Variants in ASS1 observed in about 807,000 individuals in gnomAD.
ASS1 encodes the protein argininosuccinate synthase.
ASS1 carries 58 observed loss-of-function variants against 60.5 expected under a neutral mutation model. That is an observed-to-expected ratio of 0.96 (90% CI 0.78 to 1.19). The LOEUF (loss-of-function observed/expected upper bound fraction) is 1.19. Among genes scored for constraint, ASS1 ranks in the 50% most tolerant of loss-of-function variants. The probability of loss-of-function intolerance (pLI) is 0.00; values close to 1 mark genes in which losing one functional copy is unlikely to be tolerated. For missense variants in ASS1, 454 were observed against 547.3 expected, an observed-to-expected ratio of 0.83 and a Z score of 1.70; for synonymous variants, 200 against 206.9, an observed-to-expected ratio of 0.97 and a Z score of 0.29.
At chr9:130,453,574 T>A (rs933224247) in intron 2 of ASS1, among the ~76,000 whole-genome samples, 1 of 152,202 alleles carries the variant, frequency 6.6e-6, no homozygotes, top group African/African-American at 2.4e-5. Flanking sequence ...CAATCAGAGC[T>A]GGAGCTGGGC....
rs1465208173 is a variant in ASS1, at chr9:130,470,966, G to A, written c.566+62G>A. ...GGCTCATTCCAAAGGACGGCCACGCGCTGCCCCAGGACGTCCTGGTGACCC... is the reference window on the plus strand; with the variant it reads ...GGCTCATTCCAAAGGACGGCCACGCACTGCCCCAGGACGTCCTGGTGACCC... On this transcript the variant is annotated intron_variant, in intron 7 of 14. Coordinates refer to ENST00000352480, the MANE Select transcript of ASS1 (RefSeq NM_054012.4). The surrounding 1 kb of genome is among the most constrained non-coding windows in gnomAD (Gnocchi z 4.3). 13 of 1,566,704 alleles carry A rather than the reference G, an allele frequency of 8.3e-6. No homozygotes were observed. Among genetic ancestry groups the A allele is most frequent in the South Asian group, 2.2e-5 (2 of 90,110 alleles).
Position 130,479,800 on chromosome 9 carries a change from C to T in ASS1, c.773C>T (p.Ala258Val), listed in dbSNP as rs753078725. 3.5e-5 allele frequency: 56 copies of T among 1,613,716 alleles called. 1 individual carries two copies. The South Asian group carries it at 4.3e-4, about 12-fold the overall frequency. Residue 258 changes from alanine to valine, a missense_variant and splice_region_variant, in exon 10 of 15, where the codon GCG becomes GTG. Transcript: ENST00000352480. ...CTCTTCATGTACCTGAACGAAGTCGCGTGAGTGTCTGCAGCCCTGTCCGGC... is the reference window on the plus strand; with the variant it reads ...CTCTTCATGTACCTGAACGAAGTCGTGTGAGTGTCTGCAGCCCTGTCCGGC... ...LELFMYLNEV[A>V]GKHGVGRIDI... is the part of the protein sequence containing the mutation.
chr9:130,464,865 C>T (rs566378147), intron 5 of ASS1, among the ~76,000 whole-genome samples: 1 of 152,092 alleles, frequency 6.6e-6, no homozygotes, highest in Admixed American at 6.5e-5. Flanking sequence ...CCAGTGTCTA[C>T]TGAGCACCCA....
At position 130,470,735 on chromosome 9, in the gene ASS1, C is replaced by T; in HGVS notation, c.496-99C>T. On this transcript the variant is annotated intron_variant, in intron 6 of 14. Coordinates refer to ENST00000352480, the MANE Select transcript of ASS1 (RefSeq NM_054012.4). The surrounding 1 kb of genome is among the most constrained non-coding windows in gnomAD (Gnocchi z 4.3). ...AGCCAGGGTCTTGTCTGAATGGGGG[C>T]CAGAGTTTGGGGCTCTCTGAAAAAG... 8.4e-7 allele frequency: 1 copy of T among 1,195,924 alleles called. No homozygotes were observed. Among genetic ancestry groups the T allele is most frequent in the Non-Finnish European group, 1.2e-6 (1 of 803,626 alleles). 74.1% of individuals were successfully genotyped at this position (1,195,924 alleles called of 1,614,324 possible). A position where few individuals can be genotyped will look rare whatever the true frequency, so the allele number is the denominator to read the frequency against.
chr9:130,471,686 GCCCACCGT>G lies in ASS1; in HGVS notation c.597+173_597+180del, dbSNP rs373954259. 3.2e-3 allele frequency among the ~76,000 whole-genome samples: 478 copies of G among 151,492 alleles called. 3 individuals carry two copies. The highest frequency in any genetic ancestry group is 0.011 in the African/African-American group (453 of 41,134). ...CCGACCCCCGCACTGGCCCCCCTCT[GCCCACCGT>G]CTCCTCGCTGCATTTGAAGACCTCC... On this transcript the variant is annotated intron_variant, in intron 8 of 14. Coordinates refer to ENST00000352480, the MANE Select transcript of ASS1 (RefSeq NM_054012.4).
chr9:130,453,422 G>A (rs1401624657), intron 2 of ASS1, among the ~76,000 whole-genome samples: 4 of 152,260 alleles, frequency 2.6e-5, no homozygotes, highest in Non-Finnish European at 5.9e-5. Flanking sequence ...TGCGCCCAAT[G>A]CCCTTGTCAT....
intron 4 of ASS1, among the ~76,000 whole-genome samples, chr9:130,460,948 G>T (rs970869036): frequency 2.6e-5 from 4 of 152,036 alleles, no homozygotes; most frequent in African/African-American, 9.7e-5. Flanking sequence ...GCTGCCATCT[G>T]TGCAAAGGTG....
At chr9:130,449,940 C>T (rs553427811) in intron 1 of ASS1, among the ~76,000 whole-genome samples, 3 of 152,328 alleles carry the variant, frequency 2.0e-5, no homozygotes, top group South Asian at 4.1e-4. Flanking sequence ...GATGTTGGCA[C>T]ATTACCCATC....
At chr9:130,498,997 A>G (rs1036839073) in intron 13 of ASS1, among the ~76,000 whole-genome samples, 2 of 152,210 alleles carry the variant, frequency 1.3e-5, no homozygotes, top group African/African-American at 4.8e-5. Context: ...CTGGTTGGAC[A>G]CATGAGGGGA....
Position 130,478,445 on chromosome 9 carries a change from G to A in ASS1, c.689-1271G>A, listed in dbSNP as rs910992797. Reference sequence around the variant, plus strand: ...CCTGCCCGAGGACCAGGGCAGCTCCGCAGGCTGAGCTGGAGAAGAAACGTG... The same window carrying A: ...CCTGCCCGAGGACCAGGGCAGCTCCACAGGCTGAGCTGGAGAAGAAACGTG... On this transcript the variant is annotated intron_variant, in intron 9 of 14. Transcript: ENST00000352480. This position sits in a 1 kb window ranked among gnomAD's most constrained non-coding sequence, Gnocchi z 4.7. Among the ~76,000 whole-genome samples the A allele has an allele frequency of 6.6e-6, 1 of 152,194 alleles. No individual in the cohort carries two copies. The highest frequency in any genetic ancestry group is 1.5e-5 in the Non-Finnish European group (1 of 68,034).
At chr9:130,485,556 G>A (rs576155262) in intron 11 of ASS1, among the ~76,000 whole-genome samples, 34 of 152,292 alleles carry the variant, frequency 2.2e-4, no homozygotes, top group Non-Finnish European at 4.4e-4. Flanking sequence ...GCAGGGAGGC[G>A]GGCCTGGGTG....
At position 130,464,131 on chromosome 9, in the gene ASS1, T is replaced by G. The variant is rs1226547650; in HGVS notation, c.384T>G (p.Phe128Leu). The part of the protein sequence containing the change: ...ATGKGNDQVR[F>L]ELSCYSLAPQ... ...TGCAGGGGAACGATCAGGTCCGGTT[T>G]GAGCTCAGCTGCTACTCACTGGCCC... Residue 128 changes from phenylalanine (F) to leucine (L), a missense_variant, in exon 5 of 15, where the codon TTT (phenylalanine) becomes TTG (leucine). Transcript: ENST00000352480. The G allele has an allele frequency of 2.5e-6, 4 of 1,613,960 alleles. No individual in the cohort carries two copies. The highest frequency in any genetic ancestry group is 1.6e-4 in the Middle Eastern group (1 of 6,062).
intron 4 of ASS1, among the ~76,000 whole-genome samples, chr9:130,461,442 C>G (rs1343440793): frequency 6.7e-6 from 1 of 149,764 alleles, no homozygotes; most frequent in Non-Finnish European, 1.5e-5. Context: ...CATCCTGGAC[C>G]TGCAGGGCGT....
chr9:130,483,418 C>T (rs566751469), intron 11 of ASS1, among the ~76,000 whole-genome samples: 1 of 150,730 alleles, frequency 6.6e-6, no homozygotes, highest in East Asian at 2.0e-4. Context: ...TAGTCAGCGG[C>T]GCTCAGGGTC....
chr9:130,456,098 T>A (rs964710342), intron 3 of ASS1, among the ~76,000 whole-genome samples: 2 of 152,250 alleles, frequency 1.3e-5, no homozygotes, highest in African/African-American at 4.8e-5. Flanking sequence ...TGAGCAGTTC[T>A]CAAAACTTGT....
intron 12 of ASS1, among the ~76,000 whole-genome samples, chr9:130,492,294 G>A (rs1846468748): frequency 6.6e-6 from 1 of 152,194 alleles, no homozygotes; most frequent in Non-Finnish European, 1.5e-5. Flanking sequence ...GGGCACGCCA[G>A]GGTCTCTTCC....
intron 2 of ASS1, among the ~76,000 whole-genome samples, chr9:130,454,102 T>C (rs1434268986): frequency 2.0e-5 from 3 of 152,226 alleles, no homozygotes; most frequent in Non-Finnish European, 4.4e-5. Flanking sequence ...ATCACCACGC[T>C]ACAATCCAGC....
chr9:130,483,402 G>A (rs1846217428), intron 11 of ASS1, among the ~76,000 whole-genome samples: 1 of 151,870 alleles, frequency 6.6e-6, no homozygotes, highest in Non-Finnish European at 1.5e-5. Flanking sequence ...TGGGTCTGGG[G>A]TGGCCTAGTC....
intron 8 of ASS1, among the ~76,000 whole-genome samples, chr9:130,474,737 C>CCCTGTAGTAA (rs1196445160): frequency 1.3e-5 from 2 of 152,248 alleles, no homozygotes; most frequent in Admixed American, 6.5e-5. Flanking sequence ...ACAGGCCTCA[C>CCCTGTAGTAA]CCTGTTTCTC....
Sources: allele counts gnomAD v4.1 joint callset (sites outside exome capture counted in the v4.1 genomes callset), GRCh38; gene constraint gnomAD v4.1.1; non-coding constraint Gnocchi (gnomAD v3.1); transcripts MANE v1.5; gene names NCBI Gene and HGNC (gene_info 2026-07-23, HGNC 2026-07-21).